DCHS1: variants seen among roughly 807,000 people sequenced by gnomAD.
DCHS1 encodes protocadherin-16.
Under a neutral mutation model 213.9 loss-of-function variants are expected in DCHS1, and 78 were observed. The ratio of observed to expected loss-of-function variants is 0.36; its 90% CI spans 0.30 to 0.44. The LOEUF is 0.44. Among genes scored for constraint, DCHS1 ranks in the 20% least tolerant of loss-of-function variants. DCHS1 has a pLI of 1.00. For missense variants in DCHS1, 3,946 were observed against 4,395.9 expected, an observed-to-expected ratio of 0.90 and a Z score of 2.89; for synonymous variants, 1,828 against 1,873.7, an observed-to-expected ratio of 0.98 and a Z score of 0.63.
rs1223211526 is a variant in DCHS1 at position 6,630,246 on chromosome 11, G to A, written c.4548C>T (p.Thr1516=). The part of the protein sequence containing the change: ...TPALLLLVEA[T]DRPANASRRR... ...GGCGGCTGGCGTTGGCGGGCCGGTC[G>A]GTGGCTTCCACCAGCAGCAGCAGCG... is the stretch of plus-strand genomic sequence containing the variant. The change falls in exon 10 of 21, where the codon ACC becomes ACT. Residue 1516 remains threonine (T), a synonymous_variant. Coordinates refer to ENST00000299441, the MANE Select transcript of DCHS1 (RefSeq NM_003737.4). 3.2e-6 allele frequency: 5 copies of A among 1,547,066 alleles called. No homozygotes were observed. The highest frequency in any genetic ancestry group is 4.3e-6 in the Non-Finnish European group (5 of 1,149,448).
rs768699475 is a variant in DCHS1, at chr11:6,632,821, A to T, written c.2691T>A (p.Pro897=). ...VNDNSPAFPA[P]EDTVLLPPNT... is the part of the protein sequence containing the mutation. ...TTGGTGGTAGCAATACCGTGTCTTC[A>T]GGTGCAGGAAAGGCAGGGGAGTTGT... The change falls in exon 6 of 21, where the codon CCT becomes CCA. Residue 897 remains proline (P), a synonymous_variant. Transcript: ENST00000299441. This position sits in a 1 kb window ranked among gnomAD's most constrained non-coding sequence, Gnocchi z 5.9. The T allele has an allele frequency of 1.2e-6, 2 of 1,613,984 alleles. No homozygotes were observed. Among genetic ancestry groups the T allele is most frequent in the South Asian group, 2.2e-5 (2 of 91,076 alleles).
chr11:6,623,820 G>A lies in DCHS1; in HGVS notation c.7856C>T (p.Ala2619Val). ...VTVPEDTPVGAELLHVEASDA... is the reference protein window; with the variant it reads ...VTVPEDTPVGVELLHVEASDA... ...AGAGGCCTCTACATGCAGCAGCTCAGCTCCAACAGGTGTGTCCTCAGGTAC... is the reference window on the plus strand; with the variant it reads ...AGAGGCCTCTACATGCAGCAGCTCAACTCCAACAGGTGTGTCCTCAGGTAC... Residue 2619 changes from alanine (A) to valine (V), a missense_variant, in exon 21 of 21, where the codon GCT (alanine) becomes GTT (valine). Ala to Val is a moderately conservative substitution (Grantham distance 64). This residue lies in a region of DCHS1 where 3,384 missense variants were observed against 3,780.1 expected (regional missense o/e 0.90). Transcript: ENST00000299441. 6.2e-7 allele frequency: 1 copy of A among 1,613,754 alleles called. No individual in the cohort carries two copies. The highest frequency in any genetic ancestry group is 8.5e-7 in the Non-Finnish European group (1 of 1,179,668).
In DCHS1 at chr11:6,639,140, C is replaced by G. The variant is rs146721027; in HGVS notation, c.1797+677G>C. Among the ~76,000 whole-genome samples the G allele has an allele frequency of 6.0e-3, 918 of 151,836 alleles. 16 individuals carry two copies. The highest frequency in any genetic ancestry group is 0.021 in the African/African-American group (859 of 41,472). ...AAAAAAAAAGAAGTTCAGTGAGCTC[C>G]TTTGCTTCCCAAGTAGTCCTAACTA... On this transcript the variant is annotated intron_variant, in intron 2 of 20. Coordinates refer to ENST00000299441, the MANE Select transcript of DCHS1 (RefSeq NM_003737.4).
rs769187295 is a variant in DCHS1, at chr11:6,630,725, G to C, written c.4069C>G (p.Pro1357Ala). The C allele has an allele frequency of 3.9e-6, 6 of 1,543,826 alleles. No homozygotes were observed. Among genetic ancestry groups the C allele is most frequent in the Non-Finnish European group, 5.2e-6 (6 of 1,147,526 alleles). Residue 1357 changes from proline (P) to alanine (A), a missense_variant, in exon 10 of 21, where the codon CCA becomes GCA. Pro to Ala is a conservative substitution (Grantham distance 27). Coordinates refer to ENST00000299441, the MANE Select transcript of DCHS1 (RefSeq NM_003737.4). ...PGSLLGSVAA[P>A]EPAGVGALTY... is the part of the protein sequence containing the mutation. ...AGTGCACCCACACCCGCGGGCTCTG[G>C]CGCTGCCACCGAGCCCAACAGAGAG...
intron 1 of DCHS1, among the ~76,000 whole-genome samples, chr11:6,650,936 G>T (rs915651595): frequency 6.6e-6 from 1 of 152,228 alleles, no homozygotes; most frequent in South Asian, 2.1e-4. Flanking sequence ...GTCTCCAGCA[G>T]AGTAAGTGAG....
chr11:6,622,312 C>A lies in DCHS1; in HGVS notation c.9364G>T (p.Gly3122Cys), dbSNP rs758453347. 10 of 1,606,238 alleles carry A rather than the reference C, an allele frequency of 6.2e-6. No homozygotes were observed. The highest frequency in any genetic ancestry group is 8.5e-6 in the Non-Finnish European group (10 of 1,176,606). Residue 3122 changes from glycine to cysteine, a missense_variant, in exon 21 of 21, where the codon GGC becomes TGC. Gly to Cys is a radical substitution (Grantham distance 159). This residue lies in a region of DCHS1 where 554 missense variants were observed against 590.2 expected (regional missense o/e 0.94). Transcript: ENST00000299441. The surrounding 1 kb of genome is among the most constrained non-coding windows in gnomAD (Gnocchi z 5.4). Reference protein sequence around the residue: ...PPATATAFLGGCGLSPAPTGD... With the variant: ...PPATATAFLGCCGLSPAPTGD... ...GTGGGTGCAGGGCTCAGGCCACAGCCCCCCAGGAAGGCTGTGGCAGTGGCT... is the reference window on the plus strand; with the variant it reads ...GTGGGTGCAGGGCTCAGGCCACAGCACCCCAGGAAGGCTGTGGCAGTGGCT...
intron 1 of DCHS1, among the ~76,000 whole-genome samples, chr11:6,653,588 G>GA (rs1256815652): frequency 8.6e-5 from 13 of 151,870 alleles, no homozygotes; most frequent in Admixed American, 2.0e-4. Flanking sequence ...GAAGAAAATA[G>GA]AAAAAAAATC....
At chr11:6,653,348 G>A (rs1459532893) in intron 1 of DCHS1, among the ~76,000 whole-genome samples, 1 of 152,148 alleles carries the variant, frequency 6.6e-6, no homozygotes, top group Non-Finnish European at 1.5e-5. Flanking sequence ...TCCCTACACT[G>A]GCCTAGGTTA....
At chr11:6,646,052 C>A (rs112830310) in intron 1 of DCHS1, among the ~76,000 whole-genome samples, 2 of 152,104 alleles carry the variant, frequency 1.3e-5, no homozygotes, top group African/African-American at 4.8e-5. Context: ...TACACACACA[C>A]AGAAAGACAC....
rs781632057 is a variant in DCHS1, at chr11:6,622,733, T to C, written c.8943A>G (p.Leu2981=). The change falls in exon 21 of 21, where the codon CTA becomes CTG. Residue 2981 remains leucine (L), a synonymous_variant. Transcript: ENST00000299441. This position sits in a 1 kb window ranked among gnomAD's most constrained non-coding sequence, Gnocchi z 5.4. ...APGPMSQAAP[L]ASDSLQKLGR... is the part of the protein sequence containing the mutation. ...CCAGTTTCTGCAGTGAGTCACTGGC[T>C]AGGGGTGCTGCCTGTGACATTGGGC... 6.9e-6 allele frequency: 11 copies of C among 1,591,406 alleles called. No homozygotes were observed. In the Admixed American group the frequency reaches 7.0e-5, roughly 10 times the overall value.
rs746361167 is a variant in DCHS1, at chr11:6,629,794, C to A, written c.4913G>T (p.Ser1638Ile). The A allele has an allele frequency of 3.1e-6, 5 of 1,613,586 alleles. No individual in the cohort carries two copies. The Admixed American group carries it at 8.3e-5, about 27-fold the overall frequency. The stretch of plus-strand genomic sequence containing the variant: ...CGCCTCGTCGTTGACGTCAGCGACA[C>A]TGACGGTCAGGACCTGCGTGGCCGA... ...PRSATQVLTV[S>I]VADVNDEAPT... is the part of the protein sequence containing the mutation. The change falls in exon 11 of 21, where the codon AGT (serine) becomes ATT (isoleucine). Residue 1638 changes from serine to isoleucine, a missense_variant. By Grantham distance (142) the Ser-to-Ile change is moderately radical. Coordinates refer to ENST00000299441, the MANE Select transcript of DCHS1 (RefSeq NM_003737.4).
At position 6,622,785 on chromosome 11, in the gene DCHS1, C is replaced by T. The variant is rs200940363; in HGVS notation, c.8891G>A (p.Arg2964His). 106 of 1,592,768 alleles carry T rather than the reference C, an allele frequency of 6.7e-5. No individual in the cohort carries two copies. In the East Asian group the frequency reaches 1.7e-3, roughly 26 times the overall value. ...AALVLGLVRARSRKAEAAPGP... is the reference protein window; with the variant it reads ...AALVLGLVRAHSRKAEAAPGP... ...AGGGGCTGCCTCAGCCTTGCGGCTA[C>T]GGGCCCGAACAAGTCCTAGGACCAG... Residue 2964 changes from arginine to histidine, a missense_variant, in exon 21 of 21, where the codon CGT becomes CAT. By Grantham distance (29) the Arg-to-His change is conservative (BLOSUM62 0). This residue lies in a region of DCHS1 where 554 missense variants were observed against 590.2 expected (regional missense o/e 0.94). Coordinates refer to ENST00000299441, the MANE Select transcript of DCHS1 (RefSeq NM_003737.4). This position sits in a 1 kb window ranked among gnomAD's most constrained non-coding sequence, Gnocchi z 5.4.
chr11:6,653,940 A>G (rs551850620), intron 1 of DCHS1, among the ~76,000 whole-genome samples: 3 of 152,146 alleles, frequency 2.0e-5, no homozygotes, highest in Admixed American at 6.5e-5. Flanking sequence ...GGAATGCAAG[A>G]GTTTAGAATT....
rs1484706787 is a variant in DCHS1 at position 6,627,636 on chromosome 11, G to A, written c.5403C>T (p.Asp1801=). ...DGDPSGAFVL[D]LASGEFGTMR... Reference sequence around the variant, plus strand: ...TGGTGCCAAACTCTCCAGAAGCAAGGTCTAGGACAAAGGCTCCTGATGGGT... The same window carrying A: ...TGGTGCCAAACTCTCCAGAAGCAAGATCTAGGACAAAGGCTCCTGATGGGT... The change falls in exon 14 of 21, where the codon GAC becomes GAT. Residue 1801 remains aspartate, a synonymous_variant. Transcript: ENST00000299441. The surrounding 1 kb of genome is among the most constrained non-coding windows in gnomAD (Gnocchi z 5.4). 6.2e-7 allele frequency: 1 copy of A among 1,613,200 alleles called. No individual in the cohort carries two copies. The highest frequency in any genetic ancestry group is 2.2e-5 in the East Asian group (1 of 44,892).
Position 6,641,402 on chromosome 11 carries a change from C to G in DCHS1, c.212G>C (p.Gly71Ala). Residue 71 changes from glycine (G) to alanine (A), a missense_variant, in exon 2 of 21, where the codon GGC becomes GCC. Physicochemically the swap from Gly to Ala is moderately conservative, Grantham distance 60. This residue lies in a region of DCHS1 where 3,384 missense variants were observed against 3,780.1 expected (regional missense o/e 0.90). Coordinates refer to ENST00000299441, the MANE Select transcript of DCHS1 (RefSeq NM_003737.4). The surrounding 1 kb of genome is among the most constrained non-coding windows in gnomAD (Gnocchi z 7.1). ...IGDISAGLPA[G>A]TAAPLMYFIS... Reference sequence around the variant, plus strand: ...GAAGTACATGAGAGGAGCTGCCGTGCCTGCCGGAAGCCCCGCACTGATGTC... The same window carrying G: ...GAAGTACATGAGAGGAGCTGCCGTGGCTGCCGGAAGCCCCGCACTGATGTC... The G allele has an allele frequency of 6.2e-7, 1 of 1,613,410 alleles. No individual in the cohort carries two copies. Among genetic ancestry groups the G allele is most frequent in the Non-Finnish European group, 8.5e-7 (1 of 1,179,808 alleles).
In DCHS1 at chr11:6,624,213, C is replaced by A. The variant is rs554254022; in HGVS notation, c.7463G>T (p.Arg2488Leu). 6.2e-7 allele frequency: 1 copy of A among 1,613,268 alleles called. No individual in the cohort carries two copies. The highest frequency in any genetic ancestry group is 8.5e-7 in the Non-Finnish European group (1 of 1,179,722). Residue 2488 changes from arginine to leucine, a missense_variant, in exon 21 of 21, where the codon CGT becomes CTT. Around this residue, in one of 3 missense-constraint regions of DCHS1, gnomAD observed 3,384 missense variants for 3,780.1 expected, o/e 0.90. Coordinates refer to ENST00000299441, the MANE Select transcript of DCHS1 (RefSeq NM_003737.4). ...HAPSFTLSHY[R>L]VAVTEDLPPG... ...GGGCAGGTCTTCAGTCACAGCCACA[C>A]GGTAGTGTGACAATGTGAAGCTCGG...
At position 6,621,939 on chromosome 11, in the gene DCHS1, G is replaced by A. The variant is rs928873303; in HGVS notation, c.9737C>T (p.Ser3246Phe). ...RSPISHEGSL[S>F]SAAMSPSFSP... ...GAAGCTGGGGGACATGGCAGCTGAG[G>A]ACAGGGAGCCTTCATGGCTGATGGG... The change falls in exon 21 of 21, where the codon TCC becomes TTC. Residue 3246 changes from serine to phenylalanine, a missense_variant. Ser to Phe is a radical substitution (Grantham distance 155). This residue lies in a region of DCHS1 where 554 missense variants were observed against 590.2 expected (regional missense o/e 0.94). Coordinates refer to ENST00000299441, the MANE Select transcript of DCHS1 (RefSeq NM_003737.4). 1 of 1,613,426 alleles carries A rather than the reference G, an allele frequency of 6.2e-7. No individual in the cohort carries two copies. The highest frequency in any genetic ancestry group is 1.6e-4 in the Middle Eastern group (1 of 6,062).
chr11:6,645,663 C>T (rs2134652240), intron 1 of DCHS1, among the ~76,000 whole-genome samples: 1 of 152,292 alleles, frequency 6.6e-6, no homozygotes, highest in African/African-American at 2.4e-5. Context: ...AGAGGAGAGA[C>T]TCATGTCCAG....
In DCHS1 at chr11:6,633,496, C is replaced by T; in HGVS notation, c.2371G>A (p.Glu791Lys). The T allele has an allele frequency of 6.3e-7, 1 of 1,581,538 alleles. No homozygotes were observed. Among genetic ancestry groups the T allele is most frequent in the Non-Finnish European group, 8.6e-7 (1 of 1,163,132 alleles). The change falls in exon 5 of 21, where the codon GAG (glutamate) becomes AAG (lysine). Residue 791 changes from glutamate to lysine, a missense_variant. This residue lies in a region of DCHS1 where 3,384 missense variants were observed against 3,780.1 expected (regional missense o/e 0.90). Coordinates refer to ENST00000299441, the MANE Select transcript of DCHS1 (RefSeq NM_003737.4). ...ACAGAAAAAACATACTGTAGTTGCT[C>T]AAATATGGGTGGTGTGGGGGTTCCA... ...VPGTPTPPIF[E>K]QLQYVFSVPE...
Sources: allele counts gnomAD v4.1 joint callset (sites outside exome capture counted in the v4.1 genomes callset), GRCh38; gene constraint gnomAD v4.1.1; regional missense constraint gnomAD v4.1.1; non-coding constraint Gnocchi (gnomAD v3.1); transcripts MANE v1.5; gene names NCBI Gene and HGNC (gene_info 2026-07-23, HGNC 2026-07-21).